Variants in WASL observed in about 807,000 individuals in gnomAD.
WASL encodes WASP like actin nucleation promoting factor.
A neutral mutation model predicts 55.5 loss-of-function variants in WASL; 20 were observed. The observed-to-expected ratio is 0.36, with a 90% CI of 0.25 to 0.52. The LOEUF (loss-of-function observed/expected upper bound fraction) is 0.52. Among genes scored for constraint, WASL ranks in the 20% least tolerant of loss-of-function variants. WASL has a pLI of 0.92. For missense variants in WASL, 504 were observed against 622.5 expected, an observed-to-expected ratio of 0.81 and a Z score of 2.03; for synonymous variants, 249 against 217.6, an observed-to-expected ratio of 1.14 and a Z score of -1.27.
At chr7:123,684,816 T>A (rs1203805557) in intron 10 of WASL, among the ~76,000 whole-genome samples, 1 of 152,062 alleles carries the variant, frequency 6.6e-6, no homozygotes, top group Non-Finnish European at 1.5e-5. Context: ...TTAATATCTA[T>A]GTGACAAATT....
chr7:123,713,661 T>A (rs1803795444), intron 1 of WASL, among the ~76,000 whole-genome samples: 1 of 152,166 alleles, frequency 6.6e-6, no homozygotes, highest in South Asian at 2.1e-4. Flanking sequence ...AGTGTTCTCA[T>A]TATATAAAAG....
At position 123,692,847 on chromosome 7, in the gene WASL, A is replaced by G. The variant is rs752163671; in HGVS notation, c.847T>C (p.Ser283Pro). The change falls in exon 9 of 11, where the codon TCA (serine) becomes CCA (proline). Residue 283 changes from serine (S) to proline (P), a missense_variant. Ser to Pro is a moderately conservative substitution (Grantham distance 74). This residue lies in a region of WASL where 201 missense variants were observed against 206.2 expected (regional missense o/e 0.97). Coordinates refer to ENST00000223023, the MANE Select transcript of WASL (RefSeq NM_003941.4). ...RRQAPPPPPP[S>P]RGGPPPPPPP... ...GGAGGAGGAGGTGGCCCTCCCCTTG[A>G]TGGTGGTGGAGGTGGTGGTGCTGAA... The G allele has an allele frequency of 7.2e-7, 1 of 1,384,892 alleles. No individual in the cohort carries two copies. Among genetic ancestry groups the G allele is most frequent in the Non-Finnish European group, 9.4e-7 (1 of 1,065,690 alleles). 85.8% of individuals were successfully genotyped at this position (1,384,892 alleles called of 1,614,324 possible).
chr7:123,685,783 T>C (rs10215863), intron 10 of WASL, among the ~76,000 whole-genome samples: 70 of 150,146 alleles, frequency 4.7e-4, no homozygotes, highest in African/African-American at 1.5e-3. Context: ...TGACTTTCCA[T>C]ATTTAACCTC....
Position 123,735,776 on chromosome 7 carries a change from G to C in WASL, c.117+12842C>G, listed in dbSNP as rs139044869. On this transcript the variant is annotated intron_variant, in intron 1 of 10. Transcript: ENST00000223023. ...AAAAAGCAAGGAGGAGGAGGAAGAC[G>C]AGGAGGACAGGGAGGAAAAAATGCT... 2.8e-3 allele frequency among the ~76,000 whole-genome samples: 430 copies of C among 152,080 alleles called. 1 individual carries two copies. The highest frequency in any genetic ancestry group is 6.8e-3 in the Middle Eastern group (2 of 294).
intron 1 of WASL, among the ~76,000 whole-genome samples, chr7:123,731,674 AAC>A (rs2116816240): frequency 6.6e-6 from 1 of 152,362 alleles, no homozygotes; most frequent in African/African-American, 2.4e-5. Context: ...AATATTTCTA[AAC>A]ATACTTCTAA....
intron 1 of WASL, among the ~76,000 whole-genome samples, chr7:123,712,319 A>G (rs567739147): frequency 6.6e-6 from 1 of 152,294 alleles, no homozygotes; most frequent in Admixed American, 6.5e-5. Flanking sequence ...GCAAGCTTGT[A>G]CTTTCACTCC....
At chr7:123,688,408 C>T (rs747684518) in intron 10 of WASL, among the ~76,000 whole-genome samples, 8 of 151,956 alleles carry the variant, frequency 5.3e-5, no homozygotes, top group East Asian at 1.9e-4. Flanking sequence ...TTGCCCATGT[C>T]GGAGTGCAAT....
chr7:123,694,454 A>G (rs949678986), intron 8 of WASL, among the ~76,000 whole-genome samples: 16 of 152,328 alleles, frequency 1.1e-4, no homozygotes, highest in South Asian at 2.1e-4. Context: ...TTAGGCAACT[A>G]TAAGTTTTTA....
In WASL at chr7:123,722,873, T is replaced by C. The variant is rs544802369; in HGVS notation, c.118-13650A>G. 1.1e-4 allele frequency among the ~76,000 whole-genome samples: 17 copies of C among 152,080 alleles called. No homozygotes were observed. In the South Asian group the frequency reaches 3.5e-3, roughly 32 times the overall value. ...ACCAAAATGAAAGCAAGAATAAAAA[T>C]GTTCTGGGAAGGCTAAGAAGGGAGC... is the stretch of plus-strand genomic sequence containing the variant. On this transcript the variant is annotated intron_variant, in intron 1 of 10. Coordinates refer to ENST00000223023, the MANE Select transcript of WASL (RefSeq NM_003941.4).
At chr7:123,719,938 C>T (rs1417976668) in intron 1 of WASL, among the ~76,000 whole-genome samples, 2 of 152,138 alleles carry the variant, frequency 1.3e-5, no homozygotes, top group Admixed American at 1.3e-4. Flanking sequence ...CCATTGAGTT[C>T]CCATAGTGCC....
In WASL at chr7:123,748,779, G is replaced by A. The variant is rs2098918006; in HGVS notation, c.-45C>T. On this transcript the variant is annotated 5_prime_UTR_variant, in exon 1 of 11. Coordinates refer to ENST00000223023, the MANE Select transcript of WASL (RefSeq NM_003941.4). The stretch of plus-strand genomic sequence containing the variant: ...GGAGTCCAGGGCCGTCTCCTCCGGC[G>A]AGTGGGCGAGAGCTCGTTCCCCCTC... 4.1e-6 allele frequency: 6 copies of A among 1,460,138 alleles called. No individual in the cohort carries two copies. Among genetic ancestry groups the A allele is most frequent in the Non-Finnish European group, 3.7e-6 (4 of 1,094,510 alleles). 90.4% of individuals were successfully genotyped at this position (1,460,138 alleles called of 1,614,324 possible). A position where few individuals can be genotyped will look rare whatever the true frequency, so the allele number is the denominator to read the frequency against.
rs2116825049 is a variant in WASL at position 123,739,537 on chromosome 7, T to TA, written c.117+9080dup. On this transcript the variant is annotated intron_variant, in intron 1 of 10. Coordinates refer to ENST00000223023, the MANE Select transcript of WASL (RefSeq NM_003941.4). ...TCAGTACAGTATTCAACAAATTATG[T>TA]AAAATATTCAACACTTTATTATAAA... Among the ~76,000 whole-genome samples, 2 of 152,324 alleles carry TA rather than the reference T, an allele frequency of 1.3e-5. 1 individual carries two copies. The highest frequency in any genetic ancestry group is 4.1e-4 in the South Asian group (2 of 4,828).
chr7:123,727,883 A>C (rs2116812154), intron 1 of WASL, among the ~76,000 whole-genome samples: 1 of 152,352 alleles, frequency 6.6e-6, no homozygotes, highest in Middle Eastern at 3.4e-3. Flanking sequence ...ACCACCAAAA[A>C]CACTAACGAC....
At chr7:123,707,708 A>T (rs1044332047) in intron 2 of WASL, among the ~76,000 whole-genome samples, 20 of 152,336 alleles carry the variant, frequency 1.3e-4, no homozygotes, top group African/African-American at 4.8e-4. Context: ...ATTTCTAAAT[A>T]GTGCTTCTCA....
At chr7:123,709,623 C>G (rs980963643) in intron 1 of WASL, among the ~76,000 whole-genome samples, 2 of 152,138 alleles carry the variant, frequency 1.3e-5, no homozygotes, top group African/African-American at 4.8e-5. Context: ...AATTCCAAAT[C>G]CAGGCAATTT....
At chr7:123,705,989 TA>T in intron 4 of WASL, among the ~76,000 whole-genome samples, 1 of 151,812 alleles carries the variant, frequency 6.6e-6, no homozygotes. Flanking sequence ...TCGGTAAATC[TA>T]AAAAAAATAG....
At chr7:123,741,111 A>C (rs1804334442) in intron 1 of WASL, among the ~76,000 whole-genome samples, 1 of 152,090 alleles carries the variant, frequency 6.6e-6, no homozygotes, top group South Asian at 2.1e-4. Flanking sequence ...CTGCGATGGG[A>C]TGATGTCCTG....
intron 1 of WASL, among the ~76,000 whole-genome samples, chr7:123,713,020 GT>G (rs1363845645): frequency 6.6e-6 from 1 of 152,102 alleles, no homozygotes. Context: ...AGGGATCCTT[GT>G]TTTTAGCCAT....
At position 123,706,510 on chromosome 7, in the gene WASL, G is replaced by A. The variant is rs1803672570; in HGVS notation, c.340-137C>T. On this transcript the variant is annotated intron_variant, in intron 3 of 10. Coordinates refer to ENST00000223023, the MANE Select transcript of WASL (RefSeq NM_003941.4). ...ACTAGCAGATAAGACATTATTTTATGATCTGAATAACTTAACACAAAAGCA... is the reference window on the plus strand; with the variant it reads ...ACTAGCAGATAAGACATTATTTTATAATCTGAATAACTTAACACAAAAGCA... The A allele has an allele frequency of 4.5e-6, 4 of 890,314 alleles. No homozygotes were observed. The South Asian group carries it at 5.3e-5, about 12-fold the overall frequency. 55.2% of individuals were successfully genotyped at this position (890,314 alleles called of 1,614,324 possible).
Sources: allele counts gnomAD v4.1 joint callset (sites outside exome capture counted in the v4.1 genomes callset), GRCh38; gene constraint gnomAD v4.1.1; regional missense constraint gnomAD v4.1.1; transcripts MANE v1.5; gene names NCBI Gene and HGNC (gene_info 2026-07-23, HGNC 2026-07-21).